The following OPHN1 variants were observed in gnomAD, a reference collection of about 807,000 sequenced individuals.
OPHN1 encodes the protein oligophrenin 1, also known as oligophrenin-1.
In OPHN1, 11 loss-of-function variants were observed where a neutral mutation model predicts 60.7. That is an observed-to-expected ratio of 0.18 (90% CI 0.11 to 0.30). The LOEUF is 0.30. Ranked by LOEUF, OPHN1 falls within the 10% of genes least tolerant of loss-of-function variation. OPHN1 has a pLI of 1.00. For missense variants in OPHN1, 449 were observed against 611.0 expected (o/e 0.73, Z 2.80); for synonymous variants, 226 against 222.6 (o/e 1.02, Z -0.14).
At chrX:68,148,246 C>T (rs2077271614) in intron 15 of OPHN1, among the ~76,000 whole-genome samples, 1 of 111,149 alleles carries the variant, frequency 9.0e-6, no homozygotes, top group South Asian at 3.8e-4. Context: ...TATGATAACA[C>T]CATAAAAAAG....
intron 2 of OPHN1, among the ~76,000 whole-genome samples, chrX:68,365,521 C>T (rs1183652783): frequency 8.9e-6 from 1 of 111,735 alleles, no homozygotes; most frequent in Non-Finnish European, 1.9e-5. Context: ...AACAGCTGTG[C>T]TCTCCTCCTC....
chrX:68,382,820 T>C (rs1430841798), intron 2 of OPHN1, among the ~76,000 whole-genome samples: 1 of 111,873 alleles, frequency 8.9e-6, no homozygotes, highest in Admixed American at 9.5e-5. Context: ...ACAAAAAGAA[T>C]AGATCTTGTA....
In OPHN1 at chrX:68,052,523, T is replaced by C; in HGVS notation, c.2375+17A>G. Reference sequence around the variant, plus strand: ...AAAAGGCGATTTGGTTTTTCTTTTGTCACCTCCATATCTTACCTTCCTGTT... The same window carrying C: ...AAAAGGCGATTTGGTTTTTCTTTTGCCACCTCCATATCTTACCTTCCTGTT... On this transcript the variant is annotated intron_variant, in intron 23 of 24. Coordinates refer to ENST00000355520, the MANE Select transcript of OPHN1 (RefSeq NM_002547.3). 1 of 1,199,702 alleles carries C rather than the reference T, an allele frequency of 8.3e-7. No individual in the cohort carries two copies. Among genetic ancestry groups the C allele is most frequent in the South Asian group, 1.8e-5 (1 of 55,115 alleles).
In OPHN1 at chrX:68,345,683, C is replaced by T. The variant is rs767541466; in HGVS notation, c.155-46587G>A. Reference sequence around the variant, plus strand: ...CCAGCCTGGGAAACACGGCAAAACCCCTTCTCTACCAAAAATACAAAAATT... The same window carrying T: ...CCAGCCTGGGAAACACGGCAAAACCTCTTCTCTACCAAAAATACAAAAATT... On this transcript the variant is annotated intron_variant, in intron 2 of 24. Coordinates refer to ENST00000355520, the MANE Select transcript of OPHN1 (RefSeq NM_002547.3). Among the ~76,000 whole-genome samples, 12 of 111,755 alleles carry T rather than the reference C, an allele frequency of 1.1e-4. No individual in the cohort carries two copies. The South Asian group carries it at 4.5e-3, about 42-fold the overall frequency.
chrX:68,223,304 A>C (rs1168108018), intron 6 of OPHN1, among the ~76,000 whole-genome samples: 1 of 112,518 alleles, frequency 8.9e-6, no homozygotes, highest in African/African-American at 3.2e-5. Context: ...CCATCAACTG[A>C]TTAGTGGATA....
intron 2 of OPHN1, among the ~76,000 whole-genome samples, chrX:68,325,327 A>G (rs1167009296): frequency 8.3e-5 from 9 of 109,036 alleles, no homozygotes; most frequent in Non-Finnish European, 1.7e-4. Flanking sequence ...TAATCAAGAC[A>G]GTCTAGTTGC....
intron 2 of OPHN1, among the ~76,000 whole-genome samples, chrX:68,357,768 A>G (rs1483702352): frequency 9.0e-6 from 1 of 111,224 alleles, no homozygotes; most frequent in African/African-American, 3.3e-5. Flanking sequence ...ATATATACCC[A>G]GTAATGGGAT....
intron 2 of OPHN1, among the ~76,000 whole-genome samples, chrX:68,356,727 T>G (rs930574225): frequency 9.0e-6 from 1 of 111,319 alleles, no homozygotes; most frequent in Admixed American, 9.7e-5. Context: ...TTTCTGTATA[T>G]ATATATAGAT....
chrX:68,200,173 C>T, intron 11 of OPHN1, among the ~76,000 whole-genome samples: 1 of 111,544 alleles, frequency 9.0e-6, no homozygotes, highest in Non-Finnish European at 1.9e-5. Flanking sequence ...TCTCAGTTTC[C>T]TCACTGGTAA....
At chrX:68,287,056 TAAGAAAGG>T (rs1478576191) in intron 3 of OPHN1, among the ~76,000 whole-genome samples, 3 of 66,765 alleles carry the variant, frequency 4.5e-5, no homozygotes, top group South Asian at 6.6e-4. Flanking sequence ...GAAAAGAAAT[TAAGAAAGG>T]AAGAAAGGAA....
At chrX:68,405,376 A>C (rs905234553) in intron 2 of OPHN1, among the ~76,000 whole-genome samples, 2 of 111,582 alleles carry the variant, frequency 1.8e-5, no homozygotes, top group Admixed American at 1.9e-4. Flanking sequence ...AATTTTTTAG[A>C]GCGGAGGTCT....
chrX:68,371,587 A>T (rs1196110999), intron 2 of OPHN1, among the ~76,000 whole-genome samples: 2 of 111,674 alleles, frequency 1.8e-5, no homozygotes, highest in Non-Finnish European at 3.8e-5. Context: ...CAGTACAGTA[A>T]CATGCAGTAT....
At chrX:68,405,513 T>G (rs964127748) in intron 2 of OPHN1, among the ~76,000 whole-genome samples, 3 of 111,488 alleles carry the variant, frequency 2.7e-5, no homozygotes, top group African/African-American at 9.8e-5. Context: ...TGGGGTGATT[T>G]TCTTTCTTCC....
At chrX:68,245,213 C>T (rs1357740449) in intron 5 of OPHN1, among the ~76,000 whole-genome samples, 2 of 111,253 alleles carry the variant, frequency 1.8e-5, no homozygotes, top group African/African-American at 6.5e-5. Flanking sequence ...TACTAGTAGA[C>T]TTAACTCAGT....
chrX:68,103,161 T>A (rs1411061261), intron 18 of OPHN1, among the ~76,000 whole-genome samples: 1 of 111,567 alleles, frequency 9.0e-6, no homozygotes, highest in Non-Finnish European at 1.9e-5. Context: ...CTGCAGTGCA[T>A]CAAAAAGCTT....
chrX:68,384,812 A>G (rs1026839642), intron 2 of OPHN1, among the ~76,000 whole-genome samples: 2 of 111,771 alleles, frequency 1.8e-5, no homozygotes, highest in East Asian at 5.6e-4. Context: ...TCAGCACTGG[A>G]AAATCAAATA....
chrX:68,065,886 C>T (rs1900711971), intron 20 of OPHN1, among the ~76,000 whole-genome samples: 1 of 112,281 alleles, frequency 8.9e-6, no homozygotes, highest in Admixed American at 9.4e-5. Context: ...CAGTTTTATT[C>T]TCCTTGGGAA....
chrX:68,201,509 T>C, intron 11 of OPHN1, 110 bp downstream of exon 11: 1 of 627,765 alleles, frequency 1.6e-6, no homozygotes, highest in Non-Finnish European at 2.7e-6. Flanking sequence ...AAGTCCTGAA[T>C]AGACTTACTC....
In OPHN1 at chrX:68,401,032, C is replaced by T. The variant is rs148684842; in HGVS notation, c.154+31835G>A. ...CTCTCACAAGAGCTCACTATCATGA[C>T]GACAGCACCAAGGAGGATGGTGTTA... On this transcript the variant is annotated intron_variant, in intron 2 of 24. Coordinates refer to ENST00000355520, the MANE Select transcript of OPHN1 (RefSeq NM_002547.3). Among the ~76,000 whole-genome samples, 174 of 111,724 alleles carry T rather than the reference C, an allele frequency of 1.6e-3. 1 individual carries two copies. The highest frequency in any genetic ancestry group is 4.9e-3 in the African/African-American group (150 of 30,763).
Sources: gnomAD v4.1 joint callset for allele counts (sites outside exome capture counted in the v4.1 genomes callset) on GRCh38, gnomAD v4.1.1 for gene constraint, MANE v1.5 for transcripts, NCBI Gene and HGNC (gene_info 2026-07-23, HGNC 2026-07-21) for gene names.